Variants in CCDC126 observed in about 807,000 individuals in gnomAD.
CCDC126 encodes the protein coiled-coil domain containing 126, also known as coiled-coil domain-containing protein 126.
In CCDC126, 5 loss-of-function variants were observed where a neutral mutation model predicts 11.7. The observed-to-expected ratio is 0.43, with a 90% confidence interval of 0.22 to 0.90. The LOEUF (loss-of-function observed/expected upper bound fraction) is 0.90, where lower values mean the gene tolerates loss of function less well. Ranked by LOEUF, CCDC126 falls within the 40% of genes least tolerant of loss-of-function variation. CCDC126 has a pLI of 0.27. For missense variants in CCDC126, 150 were observed against 163.1 expected, an observed-to-expected ratio of 0.92 and a Z score of 0.44; for synonymous variants, 60 against 61.9, an observed-to-expected ratio of 0.97 and a Z score of 0.14.
intron 3 of CCDC126, among the ~76,000 whole-genome samples, chr7:23,629,386 C>T (rs1179625392): frequency 2.0e-5 from 3 of 152,122 alleles, no homozygotes; most frequent in Admixed American, 2.0e-4. Flanking sequence ...ATCTGCCGGC[C>T]CCTTGATAGT....
At chr7:23,620,714 C>G (rs968375630) in intron 3 of CCDC126, among the ~76,000 whole-genome samples, 2 of 152,146 alleles carry the variant, frequency 1.3e-5, no homozygotes, top group Admixed American at 1.3e-4. Flanking sequence ...GGTTTTAGGT[C>G]TAACATCTAA....
At chr7:23,606,223 T>G (rs1373277816) in intron 2 of CCDC126, among the ~76,000 whole-genome samples, 1 of 152,028 alleles carries the variant, frequency 6.6e-6, no homozygotes. Context: ...CACACCCAGC[T>G]AATTTTTTGT....
chr7:23,623,141 T>G (rs1243837195), intron 3 of CCDC126, among the ~76,000 whole-genome samples: 1 of 7,162 alleles, frequency 1.4e-4, no homozygotes, highest in African/African-American at 1.2e-3. Context: ...GCCCAGCTGA[T>G]TTTTTTTTTT....
chr7:23,607,072 C>T (rs1373889167), intron 2 of CCDC126, among the ~76,000 whole-genome samples: 1 of 152,128 alleles, frequency 6.6e-6, no homozygotes, highest in African/African-American at 2.4e-5. Flanking sequence ...GTACTGCAAG[C>T]CGGGGCAACA....
chr7:23,607,844 G>A (rs1782645969), intron 2 of CCDC126, among the ~76,000 whole-genome samples: 1 of 152,104 alleles, frequency 6.6e-6, no homozygotes, highest in South Asian at 2.1e-4. Context: ...TCTGAAGAAT[G>A]ACAAGGTTCA....
chr7:23,628,305 G>A (rs192574203), intron 3 of CCDC126, among the ~76,000 whole-genome samples: 2 of 152,328 alleles, frequency 1.3e-5, no homozygotes, highest in East Asian at 3.9e-4. Flanking sequence ...GAGACCAGGA[G>A]TGACACAGTG....
At chr7:23,601,330 C>T (rs758507402) in intron 2 of CCDC126, among the ~76,000 whole-genome samples, 2 of 152,176 alleles carry the variant, frequency 1.3e-5, no homozygotes, top group African/African-American at 2.4e-5. Context: ...GATCAAGGCT[C>T]AGTGAGCTAT....
At chr7:23,610,324 G>A (rs1437465676) in intron 2 of CCDC126, among the ~76,000 whole-genome samples, 1 of 152,058 alleles carries the variant, frequency 6.6e-6, no homozygotes, top group Admixed American at 6.6e-5. Context: ...CAGCCCTGCC[G>A]CCCCACCTTC....
chr7:23,642,909 T>G (rs1248503812), intron 3 of CCDC126, 22 bp from the exon 4 acceptor site: 15 of 1,603,444 alleles, frequency 9.4e-6, no homozygotes, highest in Non-Finnish European at 1.3e-5. Context: ...AATGTTAATT[T>G]TATTCTGATT....
intron 3 of CCDC126, among the ~76,000 whole-genome samples, chr7:23,626,649 C>T (rs1263430676): frequency 6.6e-6 from 1 of 152,192 alleles, no homozygotes; most frequent in African/African-American, 2.4e-5. Context: ...CTGCTCCTCT[C>T]CCTCCTCCCA....
At chr7:23,631,323 G>T (rs1783108845) in intron 3 of CCDC126, among the ~76,000 whole-genome samples, 2 of 152,158 alleles carry the variant, frequency 1.3e-5, no homozygotes, top group African/African-American at 4.8e-5. Flanking sequence ...TATCAGGGCA[G>T]ACCCTGCAGA....
In CCDC126 at chr7:23,643,152, G is replaced by C; in HGVS notation, c.*37G>C. 6.4e-7 allele frequency: 1 copy of C among 1,573,436 alleles called. No individual in the cohort carries two copies. ...CACCTTGTGCTGCTCCATCCACTGT[G>C]GATTATATCCTATGGCAGAAAAGCT... On this transcript the variant is annotated 3_prime_UTR_variant, in exon 4 of 4. Transcript: ENST00000307471.
intron 3 of CCDC126, among the ~76,000 whole-genome samples, chr7:23,617,194 G>A (rs970044908): frequency 6.6e-6 from 1 of 151,242 alleles, no homozygotes; most frequent in African/African-American, 2.4e-5. Flanking sequence ...CTAAAAATAC[G>A]AAAATTATCT....
intron 2 of CCDC126, among the ~76,000 whole-genome samples, chr7:23,603,586 C>G (rs1782575279): frequency 6.6e-6 from 1 of 152,280 alleles, no homozygotes; most frequent in South Asian, 2.1e-4. Flanking sequence ...AGGCAAGACA[C>G]TTAACATCTC....
intron 3 of CCDC126, among the ~76,000 whole-genome samples, chr7:23,641,415 A>G (rs1373572504): frequency 1.3e-5 from 2 of 152,150 alleles, no homozygotes; most frequent in Non-Finnish European, 2.9e-5. Context: ...ATCTTTATCA[A>G]ATTTATGGTT....
intron 3 of CCDC126, among the ~76,000 whole-genome samples, chr7:23,611,911 A>AG (rs1379614662): frequency 1.3e-5 from 2 of 152,168 alleles, no homozygotes; most frequent in African/African-American, 4.8e-5. Context: ...TGGGAGGCCG[A>AG]GGCGGATGGA....
At chr7:23,602,655 AAAG>A (rs778464413) in intron 2 of CCDC126, among the ~76,000 whole-genome samples, 4 of 152,204 alleles carry the variant, frequency 2.6e-5, no homozygotes, top group Non-Finnish European at 5.9e-5. Flanking sequence ...GATTCTGGTA[AAAG>A]AAGAATTCTA....
chr7:23,633,955 G>A (rs1380580241), intron 3 of CCDC126, among the ~76,000 whole-genome samples: 2 of 152,184 alleles, frequency 1.3e-5, no homozygotes, highest in Non-Finnish European at 2.9e-5. Context: ...ATTTGAATTT[G>A]AAAAATATTA....
rs376174729 is a variant in CCDC126, at chr7:23,640,188, A to T, written c.239-2743A>T. 7.6e-3 allele frequency among the ~76,000 whole-genome samples: 1,134 copies of T among 149,464 alleles called. 10 individuals are homozygous for T. The highest frequency in any genetic ancestry group is 0.012 in the Non-Finnish European group (801 of 67,424). On this transcript the variant is annotated intron_variant, in intron 3 of 3. Coordinates refer to ENST00000307471, the MANE Select transcript of CCDC126 (RefSeq NM_138771.4). ...ACAGAGTGAGACTCCGTCTCAAAAA[A>T]AATAATAATAATAAAATAAAATCTG...
Sources: gnomAD v4.1 joint callset for allele counts (sites outside exome capture counted in the v4.1 genomes callset) on GRCh38, gnomAD v4.1.1 for gene constraint, MANE v1.5 for transcripts, NCBI Gene and HGNC (gene_info 2026-07-23, HGNC 2026-07-21) for gene names.